Variants in PLXDC2 observed in about 807,000 individuals in gnomAD.
PLXDC2 encodes the protein plexin domain containing 2, also known as plexin domain-containing protein 2.
In PLXDC2, 40 loss-of-function variants were observed where a neutral mutation model predicts 68.9. That is an observed-to-expected ratio of 0.58 (90% confidence interval 0.45 to 0.76). PLXDC2 has a LOEUF of 0.76. PLXDC2 is among the 30% of genes least tolerant of loss of function. PLXDC2 has a pLI of 0.00. For missense variants in PLXDC2, 644 were observed against 661.9 expected (o/e 0.97, Z 0.30); for synonymous variants, 243 against 234.2 (o/e 1.04, Z -0.34).
rs370108087 is a variant in PLXDC2 at position 19,882,756 on chromosome 10, A to G, written c.112+65565A>G. ...AAGATTTGTTAAATGTAAGTTCAAT[A>G]TTGCCCAACATTCTGACAAGGCCAG... On this transcript the variant is annotated intron_variant, in intron 1 of 13. Transcript: ENST00000377252. Among the ~76,000 whole-genome samples, 3 of 152,308 alleles carry G rather than the reference A, an allele frequency of 2.0e-5. No homozygotes were observed. In the East Asian group the frequency reaches 5.8e-4, roughly 29 times the overall value.
rs760462408 is a variant in PLXDC2, at chr10:20,245,499, T to C, written c.1467T>C (p.Phe489=). The change falls in exon 13 of 14, where the codon TTT becomes TTC. Residue 489 remains phenylalanine (F), a synonymous_variant. Transcript: ENST00000377252. The part of the protein sequence containing the change: ...HHPTSAASIF[F]IERRPSRWPA... ...CAACATCAGCAGCCAGCATCTTCTT[T>C]ATTGAGGTAAGTGTTGAGTTTAACA... The C allele has an allele frequency of 9.9e-6, 16 of 1,611,106 alleles. No homozygotes were observed. The East Asian group carries it at 2.9e-4, about 29-fold the overall frequency.
At chr10:19,860,512 G>A (rs9417323) in intron 1 of PLXDC2, among the ~76,000 whole-genome samples, 61,874 of 152,008 alleles carry the variant, frequency 0.41, 12,939 homozygotes, top group East Asian at 0.56. Context: ...TTGGAAAATA[G>A]TTTTGGGGGA....
At chr10:19,900,911 C>T (rs1291366347) in intron 1 of PLXDC2, among the ~76,000 whole-genome samples, 3 of 151,594 alleles carry the variant, frequency 2.0e-5, no homozygotes, top group African/African-American at 7.3e-5. Context: ...CAATCCCATC[C>T]AGGTTGCTGC....
intron 1 of PLXDC2, among the ~76,000 whole-genome samples, chr10:19,904,080 T>C (rs1475207102): frequency 6.6e-6 from 1 of 152,168 alleles, no homozygotes; most frequent in Non-Finnish European, 1.5e-5. Context: ...TTAAATTTAC[T>C]GAGGCTTGTT....
intron 1 of PLXDC2, among the ~76,000 whole-genome samples, chr10:19,943,604 C>T (rs1470811662): frequency 6.6e-6 from 1 of 152,194 alleles, no homozygotes; most frequent in African/African-American, 2.4e-5. Flanking sequence ...AAACATTAGA[C>T]CACACGAAGC....
chr10:20,122,155 G>C (rs1018152578), intron 4 of PLXDC2, among the ~76,000 whole-genome samples: 1 of 152,210 alleles, frequency 6.6e-6, no homozygotes, highest in African/African-American at 2.4e-5. Flanking sequence ...AACTGGGCAG[G>C]TGGGGATAAC....
intron 1 of PLXDC2, among the ~76,000 whole-genome samples, chr10:19,955,034 C>A (rs1332048830): frequency 1.3e-5 from 2 of 149,920 alleles, no homozygotes; most frequent in Non-Finnish European, 3.0e-5. Flanking sequence ...GTTGGGCCTT[C>A]CTTGTTGCCT....
intron 1 of PLXDC2, among the ~76,000 whole-genome samples, chr10:19,952,899 AT>A (rs909670896): frequency 1.1e-4 from 17 of 151,804 alleles, no homozygotes; most frequent in Non-Finnish European, 1.5e-5. Flanking sequence ...TTTAATTTTA[AT>A]TTTTTTCTTC....
chr10:19,893,007 T>C (rs61525779), intron 1 of PLXDC2, among the ~76,000 whole-genome samples: 3,528 of 152,022 alleles, frequency 0.023, 130 homozygotes, highest in African/African-American at 0.081. Context: ...CCATAGATAT[T>C]TAGAGATCTA....
chr10:19,837,186 C>G (rs1458281754), intron 1 of PLXDC2, among the ~76,000 whole-genome samples: 1 of 150,796 alleles, frequency 6.6e-6, no homozygotes, highest in Admixed American at 6.6e-5. Context: ...ACATGTTACC[C>G]AGCAAGACAT....
chr10:19,836,327 A>AG (rs1836792125), intron 1 of PLXDC2, among the ~76,000 whole-genome samples: 1 of 152,296 alleles, frequency 6.6e-6, no homozygotes, highest in South Asian at 2.1e-4. Flanking sequence ...TAGGTGCATA[A>AG]GTGAGTTGAG....
intron 4 of PLXDC2, among the ~76,000 whole-genome samples, chr10:20,137,752 A>T (rs1042740749): frequency 1.3e-5 from 2 of 152,226 alleles, no homozygotes; most frequent in African/African-American, 2.4e-5. Flanking sequence ...AAAAAAACTG[A>T]TTCGTGGCCA....
At chr10:19,891,009 G>T (rs571782037) in intron 1 of PLXDC2, among the ~76,000 whole-genome samples, 11 of 152,022 alleles carry the variant, frequency 7.2e-5, no homozygotes, top group African/African-American at 2.7e-4. Context: ...CCCATGTAGG[G>T]TCTAACTTCT....
At chr10:20,101,356 G>A (rs936960065) in intron 4 of PLXDC2, among the ~76,000 whole-genome samples, 27 of 152,126 alleles carry the variant, frequency 1.8e-4, no homozygotes, top group African/African-American at 6.3e-4. Context: ...GTAGTCAATC[G>A]TTTTATTCTT....
chr10:20,164,687 A>T, intron 7 of PLXDC2, 120 bp downstream of exon 7: 2 of 746,624 alleles, frequency 2.7e-6, no homozygotes, highest in Non-Finnish European at 4.7e-6. Flanking sequence ...TAGCTGATTA[A>T]TGCTTGTTAA....
chr10:20,244,971 G>A (rs1054473750), intron 12 of PLXDC2, among the ~76,000 whole-genome samples: 5 of 152,166 alleles, frequency 3.3e-5, no homozygotes, highest in East Asian at 1.9e-4. Flanking sequence ...AAAATTAGCC[G>A]GGTGTGGTGA....
intron 1 of PLXDC2, among the ~76,000 whole-genome samples, chr10:19,958,255 T>C (rs552598548): frequency 6.6e-6 from 1 of 152,256 alleles, no homozygotes; most frequent in Non-Finnish European, 1.5e-5. Context: ...TTATACAGTA[T>C]ACTCTCTAAG....
chr10:20,143,560 C>T, intron 5 of PLXDC2, 143 bp downstream of exon 5: 1 of 985,432 alleles, frequency 1.0e-6, no homozygotes, highest in South Asian at 1.6e-5. Flanking sequence ...AAATATTATA[C>T]TGCTAAGATT....
chr10:20,118,277 T>A (rs191172615), intron 4 of PLXDC2, among the ~76,000 whole-genome samples: 2 of 152,216 alleles, frequency 1.3e-5, no homozygotes, highest in African/African-American at 4.8e-5. Context: ...GTACAAAGAG[T>A]GAATTGCAAT....
Sources: allele counts gnomAD v4.1 joint callset (sites outside exome capture counted in the v4.1 genomes callset), GRCh38; gene constraint gnomAD v4.1.1; transcripts MANE v1.5; gene names NCBI Gene and HGNC (gene_info 2026-07-23, HGNC 2026-07-21).